CSMD1: variants seen among roughly 807,000 people sequenced by gnomAD.
CSMD1 encodes the protein CUB and Sushi multiple domains 1.
In CSMD1, 213 loss-of-function variants were observed where a neutral mutation model predicts 417.5. That is an observed-to-expected ratio of 0.51 (90% CI 0.46 to 0.57). The LOEUF (loss-of-function observed/expected upper bound fraction) is 0.57. Ranked by LOEUF, CSMD1 falls within the 20% of genes least tolerant of loss-of-function variation. CSMD1 has a pLI of 0.00. For missense variants in CSMD1, 6,923 were observed against 4,529.7 expected (o/e 1.53, Z -15.17); for synonymous variants, 2,862 against 1,736.8 (o/e 1.65, Z -16.11).
chr8:4,030,916 C>G (rs913882046), intron 4 of CSMD1, among the ~76,000 whole-genome samples: 1 of 152,204 alleles, frequency 6.6e-6, no homozygotes, highest in Non-Finnish European at 1.5e-5. Context: ...CTCTCTAGGG[C>G]AGGGGCAAAA....
chr8:4,256,935 C>T (rs534550522), intron 3 of CSMD1, among the ~76,000 whole-genome samples: 78 of 152,294 alleles, frequency 5.1e-4, no homozygotes, highest in African/African-American at 1.7e-3. Context: ...TCCGCTTTCC[C>T]TCCGTGGGCT....
intron 23 of CSMD1, among the ~76,000 whole-genome samples, chr8:3,320,902 C>T (rs780762833): frequency 1.3e-5 from 2 of 152,192 alleles, no homozygotes; most frequent in African/African-American, 2.4e-5. Flanking sequence ...TATTCTGCAC[C>T]TCACTGACCG....
chr8:3,157,986 A>G lies in CSMD1; in HGVS notation c.5845-20T>C. On this transcript the variant is annotated intron_variant, in intron 38 of 69. Coordinates refer to ENST00000635120, the MANE Select transcript of CSMD1 (RefSeq NM_033225.6). ...ACGGCCCTGTTTAAAAGAAAACAAAAGAAAATACATATAACTAAAAACAGA... is the reference window on the plus strand; with the variant it reads ...ACGGCCCTGTTTAAAAGAAAACAAAGGAAAATACATATAACTAAAAACAGA... 2 of 1,537,370 alleles carry G rather than the reference A, an allele frequency of 1.3e-6. No individual in the cohort carries two copies. Among genetic ancestry groups the G allele is most frequent in the South Asian group, 2.4e-5 (2 of 83,584 alleles).
chr8:4,432,685 T>C (rs1797934659), intron 2 of CSMD1, among the ~76,000 whole-genome samples: 1 of 152,190 alleles, frequency 6.6e-6, no homozygotes, highest in Non-Finnish European at 1.5e-5. Context: ...ATTCAAACCC[T>C]GGCGTCTCTC....
chr8:3,524,225 A>G (rs1026843372), intron 10 of CSMD1, among the ~76,000 whole-genome samples: 6 of 151,494 alleles, frequency 4.0e-5, no homozygotes, highest in Non-Finnish European at 8.8e-5. Flanking sequence ...CAATATGCAC[A>G]CACATACACA....
At chr8:3,335,507 G>A (rs181200522) in intron 23 of CSMD1, among the ~76,000 whole-genome samples, 19 of 152,176 alleles carry the variant, frequency 1.2e-4, no homozygotes, top group Middle Eastern at 3.4e-3. Flanking sequence ...GAGAAACTCC[G>A]TCTCTACTAA....
At chr8:2,992,280 A>G (rs1039373270) in intron 54 of CSMD1, among the ~76,000 whole-genome samples, 3 of 152,124 alleles carry the variant, frequency 2.0e-5, no homozygotes, top group African/African-American at 7.2e-5. Flanking sequence ...GGGACTGCTT[A>G]TGGGCTTAGC....
intron 5 of CSMD1, among the ~76,000 whole-genome samples, chr8:3,814,721 A>G (rs1801280710): frequency 6.6e-6 from 1 of 152,158 alleles, no homozygotes; most frequent in Non-Finnish European, 1.5e-5. Context: ...TCTGAAGTAG[A>G]AATCTTAACT....
intron 4 of CSMD1, among the ~76,000 whole-genome samples, chr8:4,022,006 G>A (rs1398290057): frequency 6.6e-6 from 1 of 151,528 alleles, no homozygotes; most frequent in Non-Finnish European, 1.5e-5. Flanking sequence ...GTCTAATTCT[G>A]GAGTCCAACA....
chr8:4,677,566 G>GGCCGGGCGCGGTGGCTCACGCCTGTA (rs1805775119), intron 1 of CSMD1, among the ~76,000 whole-genome samples: 1 of 152,128 alleles, frequency 6.6e-6, no homozygotes, highest in Non-Finnish European at 1.5e-5. Flanking sequence ...TACTCACTTT[G>GGCCGGGCGCGGTGGCTCACGCCTGTA]ATGCTTTCAT....
At chr8:3,311,859 A>C (rs916871243) in intron 23 of CSMD1, among the ~76,000 whole-genome samples, 4 of 152,184 alleles carry the variant, frequency 2.6e-5, no homozygotes, top group Admixed American at 6.5e-5. Context: ...AAATTGTTTC[A>C]GTAGTTTATA....
intron 3 of CSMD1, among the ~76,000 whole-genome samples, chr8:4,085,644 A>G (rs961303551): frequency 6.6e-5 from 10 of 152,194 alleles, no homozygotes; most frequent in Admixed American, 3.3e-4. Flanking sequence ...GAAAAAAACC[A>G]GCCCTAGGTT....
chr8:4,734,261 T>A (rs1470696678), intron 1 of CSMD1, among the ~76,000 whole-genome samples: 1 of 152,172 alleles, frequency 6.6e-6, no homozygotes, highest in African/African-American at 2.4e-5. Flanking sequence ...ATCTATTAAA[T>A]CCTTTTAAAA....
chr8:3,296,271 A>T (rs1054950809), intron 25 of CSMD1, among the ~76,000 whole-genome samples: 8 of 145,606 alleles, frequency 5.5e-5, no homozygotes. Flanking sequence ...TGTGAGACGT[A>T]AGAATTCAGC....
intron 3 of CSMD1, among the ~76,000 whole-genome samples, chr8:4,244,746 T>G (rs1243370716): frequency 6.6e-6 from 1 of 152,142 alleles, no homozygotes; most frequent in East Asian, 1.9e-4. Flanking sequence ...TTTTTTACAG[T>G]GAAGAGTTTT....
At chr8:3,874,273 G>C (rs1475497230) in intron 5 of CSMD1, among the ~76,000 whole-genome samples, 1 of 152,154 alleles carries the variant, frequency 6.6e-6, no homozygotes, top group Non-Finnish European at 1.5e-5. Context: ...GAATGCTCAA[G>C]GTCCCTGTGT....
chr8:3,137,392 G>A (rs1296875945), intron 41 of CSMD1, among the ~76,000 whole-genome samples: 3 of 152,186 alleles, frequency 2.0e-5, no homozygotes, highest in Non-Finnish European at 4.4e-5. Flanking sequence ...AGCATCAGGG[G>A]GAATAAACAC....
intron 1 of CSMD1, among the ~76,000 whole-genome samples, chr8:4,727,626 C>T (rs985875815): frequency 1.3e-5 from 2 of 152,036 alleles, no homozygotes; most frequent in Non-Finnish European, 2.9e-5. Flanking sequence ...TTTATATTTC[C>T]GTGATCTGGT....
intron 3 of CSMD1, among the ~76,000 whole-genome samples, chr8:4,253,972 A>G (rs1803265865): frequency 8.2e-6 from 1 of 122,198 alleles, no homozygotes; most frequent in African/African-American, 3.1e-5. Flanking sequence ...GCTGGAGTGC[A>G]GTGGTGCGAT....
Sources: allele counts gnomAD v4.1 joint callset (sites outside exome capture counted in the v4.1 genomes callset), GRCh38; gene constraint gnomAD v4.1.1; transcripts MANE v1.5; gene names NCBI Gene and HGNC (gene_info 2026-07-23, HGNC 2026-07-21).